Variants in ACTN4 observed in about 807,000 individuals in gnomAD.
ACTN4 encodes the protein actinin alpha 4.
Under a neutral mutation model 114.2 loss-of-function variants are expected in ACTN4, and 18 were observed. The ratio of observed to expected loss-of-function variants is 0.16; its 90% CI spans 0.11 to 0.23. The LOEUF is 0.23. ACTN4 is among the 10% of genes least tolerant of loss of function. ACTN4 has a pLI of 1.00. For synonymous variants in ACTN4, 515 were observed against 506.3 expected, an observed-to-expected ratio of 1.02 and a Z score of -0.23; for missense variants, 722 against 1,262.9, an observed-to-expected ratio of 0.57 and a Z score of 6.49.
intron 11 of ACTN4, among the ~76,000 whole-genome samples, chr19:38,720,333 C>A (rs947999177): frequency 6.6e-6 from 1 of 151,942 alleles, no homozygotes; most frequent in South Asian, 2.1e-4. Flanking sequence ...TGGTCCGCTG[C>A]CCACATCCTC....
Position 38,727,912 on chromosome 19 carries a change from C to G in ACTN4, c.2338-34C>G. On this transcript the variant is annotated intron_variant, in intron 18 of 20. Transcript: ENST00000252699. This position sits in a 1 kb window ranked among gnomAD's most constrained non-coding sequence, Gnocchi z 5.4. Reference sequence around the variant, plus strand: ...CCTCATCCTGGTCTCCACGCCGCCCCTCCCGCACACCTGCCTTCGGATGGC... The same window carrying G: ...CCTCATCCTGGTCTCCACGCCGCCCGTCCCGCACACCTGCCTTCGGATGGC... 6.2e-7 allele frequency: 1 copy of G among 1,609,014 alleles called. No homozygotes were observed. The highest frequency in any genetic ancestry group is 8.5e-7 in the Non-Finnish European group (1 of 1,177,534).
chr19:38,707,365 G>A (rs1328009543), intron 5 of ACTN4, among the ~76,000 whole-genome samples: 3 of 152,076 alleles, frequency 2.0e-5, no homozygotes, highest in Non-Finnish European at 4.4e-5. Context: ...TGTTAGCACA[G>A]CGGCCAGTAA....
intron 1 of ACTN4, chr19:38,648,126 G>A (rs1453817521): frequency 4.1e-6 from 2 of 493,252 alleles, no homozygotes; most frequent in Admixed American, 4.2e-5. Context: ...GGCTGGGTGG[G>A]GAATATGGGA....
At chr19:38,670,470 G>A (rs1426429297) in intron 1 of ACTN4, among the ~76,000 whole-genome samples, 1 of 152,170 alleles carries the variant, frequency 6.6e-6, no homozygotes, top group African/African-American at 2.4e-5. Flanking sequence ...CTGTGGTCTT[G>A]GATTATCACA....
At chr19:38,726,016 G>GT in intron 17 of ACTN4, 113 bp downstream of exon 17, 1 of 1,436,720 alleles carries the variant, frequency 7.0e-7, no homozygotes, top group Non-Finnish European at 9.6e-7. Flanking sequence ...TTTTCACTCT[G>GT]TTTAAAAATT....
intron 1 of ACTN4, among the ~76,000 whole-genome samples, chr19:38,688,142 T>C (rs184956789): frequency 1.3e-5 from 2 of 152,282 alleles, no homozygotes; most frequent in East Asian, 3.9e-4. Context: ...GCCTGGTGGC[T>C]CATGTCCATA....
chr19:38,647,756 A>G lies in ACTN4; in HGVS notation c.11A>G (p.Tyr4Cys). The G allele has an allele frequency of 6.5e-7, 1 of 1,549,228 alleles. No individual in the cohort carries two copies. Among genetic ancestry groups the G allele is most frequent in the Non-Finnish European group, 8.7e-7 (1 of 1,149,418 alleles). The change falls in exon 1 of 21, where the codon TAC (tyrosine) becomes TGC (cysteine). Residue 4 changes from tyrosine to cysteine, a missense_variant. Physicochemically the swap from Tyr to Cys is radical, Grantham distance 194 (BLOSUM62 -2). Coordinates refer to ENST00000252699, the MANE Select transcript of ACTN4 (RefSeq NM_004924.6). ...GCGAGAGGCGGCGGAATGGTGGACT[A>G]CCACGCGGCGAACCAGTCGTACCAG... MVD[Y>C]HAANQSYQYG...
At chr19:38,657,101 T>G (rs1976733286) in intron 1 of ACTN4, among the ~76,000 whole-genome samples, 1 of 151,680 alleles carries the variant, frequency 6.6e-6, no homozygotes, top group Admixed American at 6.6e-5. Flanking sequence ...TCAGCCTCCC[T>G]AGTAGCTGGG....
intron 5 of ACTN4, 151 bp downstream of exon 5, chr19:38,706,282 G>T: frequency 1.2e-6 from 1 of 812,496 alleles, no homozygotes; most frequent in Non-Finnish European, 2.1e-6. Flanking sequence ...AAGCCCATGG[G>T]AAGGTCACCT....
chr19:38,728,937 C>T, intron 19 of ACTN4, 59 bp from the exon 20 acceptor site: 1 of 1,597,412 alleles, frequency 6.3e-7, no homozygotes, highest in Non-Finnish European at 8.6e-7. Context: ...CCAGTGTGGG[C>T]CTGGCTGCCC....
intron 1 of ACTN4, among the ~76,000 whole-genome samples, chr19:38,677,007 G>A (rs979543022): frequency 3.9e-5 from 6 of 152,152 alleles, no homozygotes; most frequent in African/African-American, 1.2e-4. Flanking sequence ...TGCTCCGGGC[G>A]CATGCCAGCT....
intron 1 of ACTN4, among the ~76,000 whole-genome samples, chr19:38,694,114 A>C (rs538002965): frequency 6.6e-6 from 1 of 152,236 alleles, no homozygotes; most frequent in South Asian, 2.1e-4. Flanking sequence ...GGCTGGGTGC[A>C]GGCTGCCTTC....
intron 1 of ACTN4, among the ~76,000 whole-genome samples, chr19:38,696,432 C>T (rs1968094989): frequency 6.6e-6 from 1 of 152,080 alleles, no homozygotes; most frequent in Non-Finnish European, 1.5e-5. Context: ...CTATAGAAAC[C>T]ACCTCTCCAC....
At chr19:38,678,574 A>G (rs1295707291) in intron 1 of ACTN4, among the ~76,000 whole-genome samples, 2 of 152,212 alleles carry the variant, frequency 1.3e-5, no homozygotes, top group Non-Finnish European at 2.9e-5. Context: ...TGGAAAATCT[A>G]GAGAAAGATA....
chr19:38,711,219 C>T (rs1217566129), intron 8 of ACTN4: 1 of 915,038 alleles, frequency 1.1e-6, no homozygotes, highest in Non-Finnish European at 1.3e-6. Flanking sequence ...CGGCCGCCCT[C>T]CCTGCGTCTT....
In ACTN4 at chr19:38,724,216, C is replaced by G; in HGVS notation, c.1752C>G (p.Arg584=). ...CCCTGCCGGACGCCGATAGGGAGCG[C>G]GAGGCCATCCTGGCCATCCACAAGG... The part of the protein sequence containing the change: ...KSTLPDADRE[R]EAILAIHKEA... The change falls in exon 15 of 21, where the codon CGC becomes CGG. Residue 584 remains arginine (R), a synonymous_variant. Transcript: ENST00000252699. This position sits in a 1 kb window ranked among gnomAD's most constrained non-coding sequence, Gnocchi z 7.0. 1 of 1,613,874 alleles carries G rather than the reference C, an allele frequency of 6.2e-7. No homozygotes were observed. Among genetic ancestry groups the G allele is most frequent in the East Asian group, 2.2e-5 (1 of 44,876 alleles).
At chr19:38,677,590 G>T (rs1475716964) in intron 1 of ACTN4, among the ~76,000 whole-genome samples, 2 of 62,284 alleles carry the variant, frequency 3.2e-5, no homozygotes, top group South Asian at 8.4e-4. Context: ...CCCCTGCCAG[G>T]CTCATTGCAT....
chr19:38,730,161 A>T lies in ACTN4; in HGVS notation c.*729A>T, dbSNP rs1945067546. ...AAAAAAAAATCACAAAAACAAAAAAACTATAAAAAAGAAAGAATTAAAAAC... is the reference window on the plus strand; with the variant it reads ...AAAAAAAAATCACAAAAACAAAAAATCTATAAAAAAGAAAGAATTAAAAAC... On this transcript the variant is annotated 3_prime_UTR_variant, in exon 21 of 21. Coordinates refer to ENST00000252699, the MANE Select transcript of ACTN4 (RefSeq NM_004924.6). 1 of 155,546 alleles carries T rather than the reference A, an allele frequency of 6.4e-6. No individual in the cohort carries two copies. Among genetic ancestry groups the T allele is most frequent in the Non-Finnish European group, 1.4e-5 (1 of 70,200 alleles). 9.6% of individuals were successfully genotyped at this position (155,546 alleles called of 1,614,324 possible). A position where few individuals can be genotyped will look rare whatever the true frequency, so the allele number is the denominator to read the frequency against.
chr19:38,650,448 C>T (rs765359102), intron 1 of ACTN4, among the ~76,000 whole-genome samples: 6 of 152,144 alleles, frequency 3.9e-5, no homozygotes, highest in Admixed American at 6.6e-5. Flanking sequence ...CCTCTGGGGC[C>T]GGGCAGGTTT....
Sources: allele counts gnomAD v4.1 joint callset (sites outside exome capture counted in the v4.1 genomes callset), GRCh38; gene constraint gnomAD v4.1.1; non-coding constraint Gnocchi (gnomAD v3.1); transcripts MANE v1.5; gene names NCBI Gene and HGNC (gene_info 2026-07-23, HGNC 2026-07-21).